ZNF532: variants seen among roughly 807,000 people sequenced by gnomAD.
ZNF532 encodes zinc finger protein 532.
ZNF532 carries 22 observed loss-of-function variants against 89.3 expected under a neutral mutation model. The observed-to-expected ratio is 0.25, with a 90% CI of 0.18 to 0.35. The LOEUF (loss-of-function observed/expected upper bound fraction) is 0.35, where lower values mean the gene tolerates loss of function less well. ZNF532 is among the 10% of genes least tolerant of loss of function. The pLI, the probability that ZNF532 is intolerant of heterozygous loss-of-function variation, is 1.00. For synonymous variants in ZNF532, 606 were observed against 649.6 expected (o/e 0.93, Z 1.02); for missense variants, 1,132 against 1,643.4 (o/e 0.69, Z 5.38).
chr18:58,888,722 T>TA (rs1251595719), intron 2 of ZNF532, among the ~76,000 whole-genome samples: 20 of 36,890 alleles, frequency 5.4e-4, no homozygotes, highest in African/African-American at 3.0e-3. Context: ...TATATATATA[T>TA]ATAAATTATA....
chr18:58,942,788 T>C (rs1304445750), intron 5 of ZNF532, among the ~76,000 whole-genome samples: 2 of 152,218 alleles, frequency 1.3e-5, no homozygotes, highest in Non-Finnish European at 2.9e-5. Context: ...GACTAAATAG[T>C]CCCAGCTCAG....
At chr18:58,916,139 G>C (rs1273465604) in intron 2 of ZNF532, among the ~76,000 whole-genome samples, 1 of 152,196 alleles carries the variant, frequency 6.6e-6, no homozygotes, top group African/African-American at 2.4e-5. Flanking sequence ...AACATGGTTG[G>C]TAAGGATAGA....
At chr18:58,954,933 T>C (rs892536300) in intron 7 of ZNF532, among the ~76,000 whole-genome samples, 5 of 152,168 alleles carry the variant, frequency 3.3e-5, no homozygotes, top group Non-Finnish European at 4.4e-5. Flanking sequence ...CAGGCTGGTC[T>C]CGAACTCCTG....
intron 2 of ZNF532, among the ~76,000 whole-genome samples, chr18:58,874,760 CAA>C (rs1413332384): frequency 2.0e-5 from 3 of 152,148 alleles, no homozygotes; most frequent in Non-Finnish European, 4.4e-5. Flanking sequence ...AAGTTTAAAA[CAA>C]AACAAAACTT....
chr18:58,957,347 G>A (rs142233560), intron 7 of ZNF532, among the ~76,000 whole-genome samples: 14 of 130,318 alleles, frequency 1.1e-4, no homozygotes, highest in Non-Finnish European at 1.9e-4. Flanking sequence ...ATATGTCAGC[G>A]TTCTGAACCA....
intron 3 of ZNF532, among the ~76,000 whole-genome samples, chr18:58,921,127 A>G (rs1231539654): frequency 2.6e-5 from 4 of 152,108 alleles, no homozygotes; most frequent in African/African-American, 9.6e-5. Flanking sequence ...TGAAACATGA[A>G]TCTTATTTTA....
intron 2 of ZNF532, among the ~76,000 whole-genome samples, chr18:58,915,891 G>C (rs2060566757): frequency 6.6e-6 from 1 of 152,312 alleles, no homozygotes; most frequent in Middle Eastern, 3.4e-3. Flanking sequence ...GTGTGAAACT[G>C]TATAAAGTCT....
chr18:58,916,675 A>C, intron 2 of ZNF532: 1 of 984,978 alleles, frequency 1.0e-6, no homozygotes, highest in Non-Finnish European at 1.2e-6. Context: ...TTCGCCTTCA[A>C]CAGTAGTTTT....
chr18:58,920,214 G>A lies in ZNF532; in HGVS notation c.1927G>A (p.Glu643Lys), dbSNP rs752804802. The stretch of plus-strand genomic sequence containing the variant: ...CTACGACAGACGGAGCGTGCGCATC[G>A]AAGTAACGTGCAACCATTGTACAAA... ...QHYDRRSVRI[E>K]VTCNHCTKNL... is the part of the protein sequence containing the mutation. Residue 643 changes from glutamate (E) to lysine (K), a missense_variant, in exon 3 of 10, where the codon GAA (glutamate) becomes AAA (lysine). Physicochemically the swap from Glu to Lys is moderately conservative, Grantham distance 56. Around this residue, in one of 9 missense-constraint regions of ZNF532, gnomAD observed 70 missense variants for 152.1 expected, o/e 0.46. Coordinates refer to ENST00000591808, the MANE Select transcript of ZNF532 (RefSeq NM_001375912.1). 1.2e-6 allele frequency: 2 copies of A among 1,613,698 alleles called. No individual in the cohort carries two copies. The highest frequency in any genetic ancestry group is 1.7e-6 in the Non-Finnish European group (2 of 1,179,640).
chr18:58,883,852 A>G (rs911540670), intron 2 of ZNF532, among the ~76,000 whole-genome samples: 1 of 152,214 alleles, frequency 6.6e-6, no homozygotes, highest in African/African-American at 2.4e-5. Flanking sequence ...ATCCCAGTGG[A>G]GAGCCACTGA....
At chr18:58,883,685 A>G (rs2058081417) in intron 2 of ZNF532, among the ~76,000 whole-genome samples, 1 of 152,180 alleles carries the variant, frequency 6.6e-6, no homozygotes, top group Admixed American at 6.6e-5. Context: ...TTGGGGCTGG[A>G]TAATTCTTGG....
chr18:58,941,266 C>G (rs959751096), intron 5 of ZNF532, among the ~76,000 whole-genome samples: 1 of 151,860 alleles, frequency 6.6e-6, no homozygotes, highest in Admixed American at 6.6e-5. Flanking sequence ...AGCCTTTCCC[C>G]CTGGGATGAA....
intron 2 of ZNF532, among the ~76,000 whole-genome samples, chr18:58,878,371 A>C (rs990739377): frequency 2.0e-5 from 3 of 152,250 alleles, no homozygotes; most frequent in Non-Finnish European, 4.4e-5. Context: ...ACGGGAACAC[A>C]TACAGATGCA....
At chr18:58,891,758 C>T (rs1568256189) in intron 2 of ZNF532, among the ~76,000 whole-genome samples, 1 of 152,150 alleles carries the variant, frequency 6.6e-6, no homozygotes, top group African/African-American at 2.4e-5. Flanking sequence ...GACCAGTCCT[C>T]GTTTTGTTGT....
At chr18:58,905,360 C>T (rs1288081697) in intron 2 of ZNF532, among the ~76,000 whole-genome samples, 1 of 151,724 alleles carries the variant, frequency 6.6e-6, no homozygotes, top group Non-Finnish European at 1.5e-5. Context: ...CCCGGCTCTC[C>T]CCTGCATTTT....
intron 7 of ZNF532, among the ~76,000 whole-genome samples, chr18:58,967,192 G>T (rs1348798456): frequency 6.6e-6 from 1 of 152,122 alleles, no homozygotes; most frequent in African/African-American, 2.4e-5. Flanking sequence ...CCAGTGGAGG[G>T]TCCCCAACAG....
rs755436836 is a variant in ZNF532, at chr18:58,919,889, C to G, written c.1602C>G (p.Ala534=). 2.5e-6 allele frequency: 4 copies of G among 1,613,842 alleles called. No homozygotes were observed. The African/African-American group carries it at 5.3e-5, about 22-fold the overall frequency. Residue 534 remains alanine (A), a synonymous_variant, in exon 3 of 10, where the codon GCC becomes GCG. Coordinates refer to ENST00000591808, the MANE Select transcript of ZNF532 (RefSeq NM_001375912.1). The surrounding 1 kb of genome is among the most constrained non-coding windows in gnomAD (Gnocchi z 6.1). ...LANLNLLPQG[A]QATSELRQVL... ...ACCTTAACCTTTTGCCTCAGGGTGC[C>G]CAGGCCACCTCTGAACTCCGCCAAG... is the stretch of plus-strand genomic sequence containing the variant.
intron 6 of ZNF532, 54 bp downstream of exon 6, chr18:58,948,283 C>A: frequency 1.3e-6 from 2 of 1,531,788 alleles, no homozygotes; most frequent in South Asian, 2.5e-5. Context: ...ATTCATTGGT[C>A]ATAAATCAAG....
intron 2 of ZNF532, among the ~76,000 whole-genome samples, chr18:58,900,814 C>T (rs1167901531): frequency 6.6e-6 from 1 of 152,194 alleles, no homozygotes; most frequent in Non-Finnish European, 1.5e-5. Flanking sequence ...CACCACCAGT[C>T]AATTTTAGGA....
Sources: allele counts gnomAD v4.1 joint callset (sites outside exome capture counted in the v4.1 genomes callset), GRCh38; gene constraint gnomAD v4.1.1; regional missense constraint gnomAD v4.1.1; non-coding constraint Gnocchi (gnomAD v3.1); transcripts MANE v1.5; gene names NCBI Gene and HGNC (gene_info 2026-07-23, HGNC 2026-07-21).